Variants in CUBN observed in about 807,000 individuals in gnomAD.
CUBN encodes cubilin.
A neutral mutation model predicts 405.3 loss-of-function variants in CUBN; 282 were observed. The ratio of observed to expected loss-of-function variants is 0.70; its 90% CI spans 0.63 to 0.77. The LOEUF is 0.77. Ranked by LOEUF, CUBN falls within the 30% of genes least tolerant of loss-of-function variation. CUBN has a pLI of 0.00. For missense variants in CUBN, 4,514 were observed against 4,475.2 expected, an observed-to-expected ratio of 1.01 and a Z score of -0.25; for synonymous variants, 1,684 against 1,617.0, an observed-to-expected ratio of 1.04 and a Z score of -0.99.
chr10:16,990,576 C>T, intron 28 of CUBN, 61 bp from the exon 29 acceptor site: 2 of 1,466,876 alleles, frequency 1.4e-6, no homozygotes, highest in Non-Finnish European at 1.9e-6. Flanking sequence ...AAAATAATTC[C>T]AAATTCAACT....
chr10:17,050,474 G>A (rs909557969), intron 22 of CUBN, among the ~76,000 whole-genome samples: 22 of 152,278 alleles, frequency 1.4e-4, no homozygotes, highest in African/African-American at 5.3e-4. Flanking sequence ...GAACTATATG[G>A]AAATTCTACA....
chr10:16,827,534 T>A (rs149740448), intron 66 of CUBN, among the ~76,000 whole-genome samples: 25 of 152,330 alleles, frequency 1.6e-4, no homozygotes, highest in African/African-American at 5.8e-4. Context: ...GATTACAAAG[T>A]CTAAGTGATT....
intron 37 of CUBN, among the ~76,000 whole-genome samples, chr10:16,939,724 C>A (rs1842603901): frequency 6.6e-6 from 1 of 152,044 alleles, no homozygotes; most frequent in Admixed American, 6.5e-5. Context: ...TATAAATACA[C>A]CAAACCCAAA....
At chr10:17,039,209 G>A (rs1159912382) in intron 27 of CUBN, among the ~76,000 whole-genome samples, 1 of 152,094 alleles carries the variant, frequency 6.6e-6, no homozygotes, top group South Asian at 2.1e-4. Context: ...TGCAACGCTC[G>A]GCAAGATCAT....
intron 17 of CUBN, among the ~76,000 whole-genome samples, chr10:17,081,726 A>C (rs529953889): frequency 6.6e-6 from 1 of 152,320 alleles, no homozygotes; most frequent in South Asian, 2.1e-4. Context: ...CTTTAACCAA[A>C]GTCAATGTAC....
At chr10:16,915,501 C>A (rs1841857943) in intron 46 of CUBN, among the ~76,000 whole-genome samples, 1 of 152,164 alleles carries the variant, frequency 6.6e-6, no homozygotes. Flanking sequence ...GATCCCTTCC[C>A]CATCTCAAGC....
intron 66 of CUBN, among the ~76,000 whole-genome samples, chr10:16,825,678 G>A (rs1305354122): frequency 5.9e-5 from 7 of 119,490 alleles, no homozygotes; most frequent in African/African-American, 1.3e-4. Flanking sequence ...TGTGTGTTGG[G>A]GGGATACATG....
chr10:17,067,630 A>G (rs968472437), intron 21 of CUBN, among the ~76,000 whole-genome samples: 2 of 152,112 alleles, frequency 1.3e-5, no homozygotes, highest in Non-Finnish European at 2.9e-5. Context: ...AAAACTACAA[A>G]TCTTCGGATC....
At chr10:16,920,688 T>A (rs1842009097) in intron 43 of CUBN, among the ~76,000 whole-genome samples, 1 of 152,220 alleles carries the variant, frequency 6.6e-6, no homozygotes, top group Non-Finnish European at 1.5e-5. Context: ...ATAAAGGAGC[T>A]TTTTAATATT....
intron 26 of CUBN, among the ~76,000 whole-genome samples, chr10:17,042,399 C>T (rs11813830): frequency 0.48 from 73,092 of 151,962 alleles, 21,205 homozygotes; most frequent in African/African-American, 0.82. Flanking sequence ...TCAGACCTTA[C>T]ACTATTTGTA....
chr10:16,985,118 A>AC (rs1833380034), intron 29 of CUBN, among the ~76,000 whole-genome samples: 1 of 152,182 alleles, frequency 6.6e-6, no homozygotes, highest in Admixed American at 6.5e-5. Context: ...AAGCCTGGAA[A>AC]CCCACGGCCC....
intron 13 of CUBN, among the ~76,000 whole-genome samples, chr10:17,102,603 T>A (rs28379628): frequency 1.4e-5 from 2 of 138,302 alleles, no homozygotes; most frequent in Non-Finnish European, 1.5e-5. Context: ...CTCTTTTTTT[T>A]TTTTTTTTTT....
Position 17,129,141 on chromosome 10 carries a change from G to A in CUBN, c.232C>T (p.Leu78Phe). The change falls in exon 2 of 67, where the codon CTC (leucine) becomes TTC (phenylalanine). Residue 78 changes from leucine (L) to phenylalanine (F), a missense_variant. By Grantham distance (22) the Leu-to-Phe change is conservative. Transcript: ENST00000377833. The stretch of plus-strand genomic sequence containing the variant: ...ATTACCTGATGTAAACACTCACTGA[G>A]ATCTTCATCATTTAATTTAATTTTT... The part of the protein sequence containing the change: ...LGKIKLNDED[L>F]SECLHQIQKN... The A allele has an allele frequency of 3.1e-6, 5 of 1,612,110 alleles. No homozygotes were observed. Among genetic ancestry groups the A allele is most frequent in the Non-Finnish European group, 4.2e-6 (5 of 1,178,284 alleles).
chr10:17,047,945 C>T (rs1025606601), intron 22 of CUBN, among the ~76,000 whole-genome samples: 1 of 152,184 alleles, frequency 6.6e-6, no homozygotes, highest in Non-Finnish European at 1.5e-5. Context: ...ATAATTCAGT[C>T]TTGCCTTTTC....
chr10:16,991,386 A>G (rs148883356), intron 28 of CUBN, among the ~76,000 whole-genome samples: 2 of 87,670 alleles, frequency 2.3e-5, no homozygotes, highest in African/African-American at 8.4e-5. Context: ...CTAGGATACT[A>G]ACTGAGGTGA....
At chr10:16,995,477 G>A (rs995218960) in intron 28 of CUBN, among the ~76,000 whole-genome samples, 2 of 152,158 alleles carry the variant, frequency 1.3e-5, no homozygotes, top group Non-Finnish European at 2.9e-5. Flanking sequence ...CACACATGCT[G>A]TGTATTCTAT....
At chr10:17,036,409 T>G (rs1319082712) in intron 27 of CUBN, among the ~76,000 whole-genome samples, 3 of 150,642 alleles carry the variant, frequency 2.0e-5, no homozygotes, top group African/African-American at 7.3e-5. Context: ...GAAGTGGGAG[T>G]GGAGAATCTG....
At chr10:17,036,366 G>C (rs977756107) in intron 27 of CUBN, among the ~76,000 whole-genome samples, 1 of 152,176 alleles carries the variant, frequency 6.6e-6, no homozygotes, top group African/African-American at 2.4e-5. Flanking sequence ...GGGAATGGAT[G>C]GGAACAGTCA....
intron 59 of CUBN, among the ~76,000 whole-genome samples, chr10:16,856,725 A>G (rs1385973789): frequency 3.3e-5 from 5 of 152,254 alleles, no homozygotes; most frequent in Non-Finnish European, 5.9e-5. Context: ...CTGGTTGACC[A>G]CTACTGAGAA....
Sources: gnomAD v4.1 joint callset for allele counts (sites outside exome capture counted in the v4.1 genomes callset) on GRCh38, gnomAD v4.1.1 for gene constraint, MANE v1.5 for transcripts, NCBI Gene and HGNC (gene_info 2026-07-23, HGNC 2026-07-21) for gene names.